COQ3: variants seen among roughly 807,000 people sequenced by gnomAD.
The protein encoded by COQ3 is ubiquinone biosynthesis O-methyltransferase, mitochondrial.
Under a neutral mutation model 33.1 loss-of-function variants are expected in COQ3, and 29 were observed. The ratio of observed to expected loss-of-function variants is 0.88; its 90% CI spans 0.65 to 1.19. The LOEUF is 1.19. Ranked by LOEUF, COQ3 falls within the 50% of genes most tolerant of loss-of-function variation. The probability of loss-of-function intolerance (pLI) is 0.00; values close to 1 mark genes in which losing one functional copy is unlikely to be tolerated. For missense variants in COQ3, 437 were observed against 430.7 expected (o/e 1.01, Z -0.13); for synonymous variants, 173 against 157.8 (o/e 1.10, Z -0.72).
chr6:99,391,533 T>C (rs554130097), intron 1 of COQ3, among the ~76,000 whole-genome samples: 2 of 152,346 alleles, frequency 1.3e-5, no homozygotes, highest in South Asian at 4.1e-4. Flanking sequence ...ATGTAAACCA[T>C]GATACATCGA....
At chr6:99,375,693 C>A (rs1185889419) in intron 5 of COQ3, among the ~76,000 whole-genome samples, 2 of 152,084 alleles carry the variant, frequency 1.3e-5, no homozygotes. Context: ...CCAGCACCAG[C>A]ATTTTTCAAG....
chr6:99,383,593 C>A, intron 2 of COQ3, 105 bp downstream of exon 2: 3 of 786,090 alleles, frequency 3.8e-6, no homozygotes, highest in Non-Finnish European at 5.7e-6. Flanking sequence ...CTACTTTAAT[C>A]AAGACACATG....
intron 6 of COQ3, 44 bp downstream of exon 6, chr6:99,371,384 T>G: frequency 7.3e-7 from 1 of 1,372,036 alleles, no homozygotes; most frequent in Non-Finnish European, 1.0e-6. Flanking sequence ...TATTAAAAGT[T>G]CAGCTAGGCC....
chr6:99,385,181 TAAAC>T (rs1231669257), intron 1 of COQ3, among the ~76,000 whole-genome samples: 1 of 152,014 alleles, frequency 6.6e-6, no homozygotes, highest in Non-Finnish European at 1.5e-5. Flanking sequence ...AAATGAGAAA[TAAAC>T]AAATCCACAA....
At chr6:99,386,626 C>T (rs893015504) in intron 1 of COQ3, among the ~76,000 whole-genome samples, 2 of 152,118 alleles carry the variant, frequency 1.3e-5, no homozygotes, top group African/African-American at 4.8e-5. Flanking sequence ...ATCACTATAG[C>T]TCTGATAGAC....
chr6:99,393,830 A>G (rs770173892), intron 1 of COQ3, among the ~76,000 whole-genome samples: 11 of 152,228 alleles, frequency 7.2e-5, no homozygotes, highest in African/African-American at 1.9e-4. Flanking sequence ...CTCAGCCACA[A>G]GAGACCCGCG....
At chr6:99,383,909 T>C in intron 1 of COQ3, 85 bp from the exon 2 acceptor site, 2 of 1,091,118 alleles carry the variant, frequency 1.8e-6, no homozygotes. Flanking sequence ...TCTATTTTAT[T>C]TTATTATTTA....
At chr6:99,379,849 C>T (rs914232151) in intron 3 of COQ3, among the ~76,000 whole-genome samples, 1 of 150,684 alleles carries the variant, frequency 6.6e-6, no homozygotes, top group African/African-American at 2.4e-5. Context: ...GAGCAAGACT[C>T]CATCTCAAAA....
intron 2 of COQ3, 77 bp from the exon 3 acceptor site, chr6:99,380,418 G>C: frequency 6.9e-7 from 1 of 1,444,638 alleles, no homozygotes; most frequent in Non-Finnish European, 9.6e-7. Flanking sequence ...TATGTAGAAA[G>C]ATAGTCTTAT....
chr6:99,380,140 A>G lies in COQ3; in HGVS notation c.386+49T>C, dbSNP rs1562205607. ...AGAAAAAAATGAATGTGAAATATGAATTCTTAAAAAGTTCCATTTAAAAAG... is the reference window on the plus strand; with the variant it reads ...AGAAAAAAATGAATGTGAAATATGAGTTCTTAAAAAGTTCCATTTAAAAAG... On this transcript the variant is annotated intron_variant, in intron 3 of 6. Coordinates refer to ENST00000254759, the MANE Select transcript of COQ3 (RefSeq NM_017421.4). 3.9e-6 allele frequency: 6 copies of G among 1,547,010 alleles called. No homozygotes were observed. In the Admixed American group the frequency reaches 9.2e-5, roughly 24 times the overall value.
chr6:99,374,122 C>CAAAAAAAAAA (rs146515261), intron 5 of COQ3, among the ~76,000 whole-genome samples: 1 of 86,420 alleles, frequency 1.2e-5, no homozygotes, highest in African/African-American at 4.7e-5. Context: ...CTGACATTAG[C>CAAAAAAAAAA]AAAAAAAAAA....
Position 99,371,430 on chromosome 6 carries a change from G to A in COQ3, c.887C>T (p.Ser296Leu), listed in dbSNP as rs146934336. The change falls in exon 6 of 7, where the codon TCA becomes TTA. Residue 296 changes from serine to leucine, a missense_variant and splice_region_variant. Ser to Leu is a moderately radical substitution (Grantham distance 145). Transcript: ENST00000254759. ...SPETLESILESNGLSVQTVVG... is the reference protein window; with the variant it reads ...SPETLESILELNGLSVQTVVG... ...GAAAAAATTCTCTTAATACTTACTT[G>A]ATTCCAGAATGCTCTCTAGTGTTTC... 1,927 of 1,577,210 alleles carry A rather than the reference G, an allele frequency of 1.2e-3. 3 individuals carry two copies. The highest frequency in any genetic ancestry group is 1.5e-3 in the Non-Finnish European group (1,803 of 1,168,658).
intron 2 of COQ3, among the ~76,000 whole-genome samples, chr6:99,382,379 T>G (rs1774497906): frequency 6.6e-6 from 1 of 152,300 alleles, no homozygotes; most frequent in Admixed American, 6.5e-5. Context: ...GAAAAGGTAA[T>G]GCCATTCACA....
chr6:99,386,396 CT>C (rs1774656263), intron 1 of COQ3, among the ~76,000 whole-genome samples: 1 of 152,122 alleles, frequency 6.6e-6, no homozygotes, highest in Admixed American at 6.6e-5. Context: ...CTCCTCTGCA[CT>C]CCAGCCTGGG....
chr6:99,388,158 C>G (rs960078258), intron 1 of COQ3, among the ~76,000 whole-genome samples: 1 of 151,520 alleles, frequency 6.6e-6, no homozygotes, highest in Admixed American at 6.6e-5. Context: ...AAGCGAAACT[C>G]CATCTCCAAA....
intron 1 of COQ3, among the ~76,000 whole-genome samples, chr6:99,388,573 C>A (rs1175521433): frequency 4.6e-5 from 7 of 151,698 alleles, no homozygotes; most frequent in Admixed American, 3.9e-4. Flanking sequence ...ATAGGCCTGG[C>A]GCGGTGGCTT....
chr6:99,386,614 A>G (rs931787721), intron 1 of COQ3, among the ~76,000 whole-genome samples: 2 of 152,178 alleles, frequency 1.3e-5, no homozygotes, highest in Admixed American at 6.5e-5. Flanking sequence ...TAAAGAAAGG[A>G]TATCACTATA....
At position 99,371,411 on chromosome 6, in the gene COQ3, A is replaced by C. The variant is rs776370725; in HGVS notation, c.889+17T>G. ...AGCTAGGCCTGGAAAATTGGAAAAA[A>C]TTCTCTTAATACTTACTTGATTCCA... On this transcript the variant is annotated intron_variant, in intron 6 of 6. Transcript: ENST00000254759. The C allele has an allele frequency of 2.6e-6, 4 of 1,553,538 alleles. No homozygotes were observed. In the East Asian group the frequency reaches 9.4e-5, roughly 36 times the overall value.
At chr6:99,385,828 T>C (rs141384566) in intron 1 of COQ3, among the ~76,000 whole-genome samples, 192 of 150,926 alleles carry the variant, frequency 1.3e-3, no homozygotes, top group African/African-American at 4.3e-3. Context: ...AATACAAAAA[T>C]TAGCTGGGGA....
Sources: gnomAD v4.1 joint callset for allele counts (sites outside exome capture counted in the v4.1 genomes callset) on GRCh38, gnomAD v4.1.1 for gene constraint, MANE v1.5 for transcripts, NCBI Gene and HGNC (gene_info 2026-07-23, HGNC 2026-07-21) for gene names.